The following FGF1 variants were observed in gnomAD, a reference collection of about 807,000 sequenced individuals.
The protein encoded by FGF1 is fibroblast growth factor 1.
Under a neutral mutation model 13.4 loss-of-function variants are expected in FGF1, and 9 were observed. The observed-to-expected ratio is 0.67, with a 90% CI of 0.40 to 1.17. The LOEUF (loss-of-function observed/expected upper bound fraction) is 1.17. FGF1 is among the 50% of genes most tolerant of loss of function. The pLI, the probability that FGF1 is intolerant of heterozygous loss-of-function variation, is 0.01. For synonymous variants in FGF1, 93 were observed against 79.0 expected, an observed-to-expected ratio of 1.18 and a Z score of -0.94; for missense variants, 156 against 192.7, an observed-to-expected ratio of 0.81 and a Z score of 1.13.
At chr5:142,676,537 G>A (rs776370437) in intron 1 of FGF1, among the ~76,000 whole-genome samples, 3 of 152,180 alleles carry the variant, frequency 2.0e-5, no homozygotes, top group Non-Finnish European at 2.9e-5. Context: ...GCTATTGAAC[G>A]TCAGATCCAG....
intron 3 of FGF1, among the ~76,000 whole-genome samples, chr5:142,596,248 T>C (rs747394099): frequency 1.3e-5 from 2 of 152,150 alleles, no homozygotes; most frequent in Non-Finnish European, 2.9e-5. Flanking sequence ...GGCAGGAGGA[T>C]TGCTTGAGCC....
intron 1 of FGF1, among the ~76,000 whole-genome samples, chr5:142,672,597 C>G (rs1008084770): frequency 1.3e-5 from 2 of 149,372 alleles, no homozygotes; most frequent in African/African-American, 4.9e-5. Flanking sequence ...TTCCGCTTCC[C>G]AGGTTCAAGC....
chr5:142,600,521 C>T (rs1756285063), intron 3 of FGF1, among the ~76,000 whole-genome samples, 181 bp downstream of exon 3: 1 of 152,190 alleles, frequency 6.6e-6, no homozygotes, highest in African/African-American at 2.4e-5. Flanking sequence ...TGAGAGAATA[C>T]TACAAGAAAC....
At chr5:142,669,307 A>G (rs1391363494) in intron 1 of FGF1, among the ~76,000 whole-genome samples, 4 of 152,210 alleles carry the variant, frequency 2.6e-5, no homozygotes, top group South Asian at 2.1e-4. Flanking sequence ...CTCTATTTCC[A>G]TCTCTGAAAA....
At chr5:142,646,956 A>C (rs1420551011) in intron 1 of FGF1, among the ~76,000 whole-genome samples, 1 of 152,164 alleles carries the variant, frequency 6.6e-6, no homozygotes, top group East Asian at 1.9e-4. Context: ...AGCCTCATGG[A>C]CAGATTGGGC....
chr5:142,663,033 A>T (rs1040196299), intron 1 of FGF1, among the ~76,000 whole-genome samples: 9 of 152,122 alleles, frequency 5.9e-5, no homozygotes, highest in Non-Finnish European at 1.3e-4. Context: ...CGTGTTGCCC[A>T]GGCTGGTCTG....
At chr5:142,676,345 C>T (rs1772596217) in intron 1 of FGF1, among the ~76,000 whole-genome samples, 1 of 152,342 alleles carries the variant, frequency 6.6e-6, no homozygotes, top group Non-Finnish European at 1.5e-5. Flanking sequence ...GATTCTCTCC[C>T]TACATTCTTA....
rs555479404 is a variant in FGF1, at chr5:142,601,037, C to T, written c.170-232G>A. Reference sequence around the variant, plus strand: ...TGGGAAAGGAAGGAGAGACAACGGCCGGCTCACCTACCTGTCCACCCTGTT... The same window carrying T: ...TGGGAAAGGAAGGAGAGACAACGGCTGGCTCACCTACCTGTCCACCCTGTT... On this transcript the variant is annotated intron_variant, in intron 2 of 3. Coordinates refer to ENST00000337706, the MANE Select transcript of FGF1 (RefSeq NM_000800.5). The T allele has an allele frequency of 5.4e-4, 331 of 608,060 alleles. 2 individuals carry two copies. The highest frequency in any genetic ancestry group is 5.4e-3 in the African/African-American group (298 of 55,512). 37.7% of individuals were successfully genotyped at this position (608,060 alleles called of 1,614,324 possible).
chr5:142,649,180 T>A (rs1292728663), intron 1 of FGF1, among the ~76,000 whole-genome samples: 2 of 152,226 alleles, frequency 1.3e-5, no homozygotes, highest in Non-Finnish European at 2.9e-5. Flanking sequence ...TTTCATAACA[T>A]TTCTATCCCC....
At chr5:142,605,890 C>T (rs749342085) in intron 2 of FGF1, among the ~76,000 whole-genome samples, 2 of 152,176 alleles carry the variant, frequency 1.3e-5, no homozygotes, top group Non-Finnish European at 2.9e-5. Context: ...CTTGCAGCTG[C>T]TGCTGAGGAC....
upstream of FGF1, among the ~76,000 whole-genome samples, chr5:142,690,177 C>T (rs1354077193): frequency 3.3e-5 from 5 of 151,050 alleles, no homozygotes; most frequent in East Asian, 4.0e-4. Flanking sequence ...AAAAATTAGC[C>T]GGGCGTGGTG....
chr5:142,642,169 C>T (rs947188685), intron 1 of FGF1, among the ~76,000 whole-genome samples: 7 of 152,212 alleles, frequency 4.6e-5, no homozygotes, highest in Non-Finnish European at 8.8e-5. Flanking sequence ...AGCCAGCTGA[C>T]CCTTGGCTTC....
At chr5:142,606,301 G>C (rs1224347107) in intron 2 of FGF1, among the ~76,000 whole-genome samples, 1 of 149,694 alleles carries the variant, frequency 6.7e-6, no homozygotes, top group Non-Finnish European at 1.5e-5. Context: ...AACATACAGT[G>C]AAAAAAACTA....
chr5:142,695,051 T>C (rs1202708039), intron 2 of FGF1, among the ~76,000 whole-genome samples: 1 of 152,124 alleles, frequency 6.6e-6, no homozygotes, highest in Non-Finnish European at 1.5e-5. Context: ...GAATAGGAAA[T>C]GAGAAGGTGG....
At chr5:142,677,917 A>G (rs1597437742) in intron 1 of FGF1, among the ~76,000 whole-genome samples, 3 of 152,158 alleles carry the variant, frequency 2.0e-5, no homozygotes, top group African/African-American at 7.2e-5. Flanking sequence ...TGAAGGAAAA[A>G]TAAGTCAGAG....
At chr5:142,676,465 C>T (rs1399053636) in intron 1 of FGF1, among the ~76,000 whole-genome samples, 2 of 152,126 alleles carry the variant, frequency 1.3e-5, no homozygotes, top group Non-Finnish European at 2.9e-5. Flanking sequence ...AGGACAGAAC[C>T]GCTGCTATTA....
intron 1 of FGF1, among the ~76,000 whole-genome samples, chr5:142,622,130 C>T (rs1230692042): frequency 3.3e-5 from 5 of 152,320 alleles, no homozygotes; most frequent in Admixed American, 2.6e-4. Context: ...TATCCCAGTG[C>T]CTAGCAAAAT....
upstream of FGF1, among the ~76,000 whole-genome samples, chr5:142,687,350 G>A (rs1751422101): frequency 6.6e-6 from 1 of 152,286 alleles, no homozygotes; most frequent in South Asian, 2.1e-4. Flanking sequence ...CCTTCTGAAG[G>A]GATGAGCCTT....
intron 1 of FGF1, among the ~76,000 whole-genome samples, chr5:142,649,270 A>T (rs1240259781): frequency 5.9e-5 from 9 of 152,124 alleles, no homozygotes; most frequent in Non-Finnish European, 1.3e-4. Flanking sequence ...TGGTTCTGCA[A>T]TTTGCCTTCA....
Sources: gnomAD v4.1 joint callset for allele counts (sites outside exome capture counted in the v4.1 genomes callset) on GRCh38, gnomAD v4.1.1 for gene constraint, MANE v1.5 for transcripts, NCBI Gene and HGNC (gene_info 2026-07-23, HGNC 2026-07-21) for gene names.